The following FLOT2 variants were observed in gnomAD, a reference collection of about 807,000 sequenced individuals.
The protein encoded by FLOT2 is flotillin-2.
In FLOT2, 35 loss-of-function variants were observed where a neutral mutation model predicts 54.9. The observed-to-expected ratio is 0.64, with a 90% CI of 0.49 to 0.84. FLOT2 has a LOEUF of 0.84. Ranked by LOEUF, FLOT2 falls within the 40% of genes least tolerant of loss-of-function variation. The pLI is 0.00. For synonymous variants in FLOT2, 207 were observed against 228.9 expected, an observed-to-expected ratio of 0.90 and a Z score of 0.86; for missense variants, 464 against 572.1, an observed-to-expected ratio of 0.81 and a Z score of 1.93.
In FLOT2 at chr17:28,897,501, C is replaced by G. The variant is rs1370300245; in HGVS notation, c.49+25G>C. Reference sequence around the variant, plus strand: ...CCCACCCCGAGCACCCTCCACAGCTCCCACCTTCCTCGCCGCCCCCTCACC... The same window carrying G: ...CCCACCCCGAGCACCCTCCACAGCTGCCACCTTCCTCGCCGCCCCCTCACC... On this transcript the variant is annotated intron_variant, in intron 1 of 10. Coordinates refer to ENST00000394908, the MANE Select transcript of FLOT2 (RefSeq NM_004475.3). The surrounding 1 kb of genome is among the most constrained non-coding windows in gnomAD (Gnocchi z 4.4). The G allele has an allele frequency of 1.9e-6, 3 of 1,598,252 alleles. No homozygotes were observed. The highest frequency in any genetic ancestry group is 2.6e-6 in the Non-Finnish European group (3 of 1,172,598).
In FLOT2 at chr17:28,883,832, C is replaced by T. The variant is rs1489703815; in HGVS notation, c.222+393G>A. Among the ~76,000 whole-genome samples the T allele has an allele frequency of 1.3e-5, 2 of 152,176 alleles. No homozygotes were observed. The highest frequency in any genetic ancestry group is 2.9e-5 in the Non-Finnish European group (2 of 68,038). On this transcript the variant is annotated intron_variant, in intron 3 of 10. Transcript: ENST00000394908. The surrounding 1 kb of genome is among the most constrained non-coding windows in gnomAD (Gnocchi z 5.0). The stretch of plus-strand genomic sequence containing the variant: ...CCTCCGACTCCCAGAGTCCAGAGCT[C>T]CTCTGCCTCACATGGCCTCTCCCTC...
In FLOT2 at chr17:28,879,775, A is replaced by G. The variant is rs1201835157; in HGVS notation, c.*786T>C. ...CCCAACAGGGCTAGACCCTCATCTCAGAAAACTTAGCAGAGTTGGGACCAA... is the reference window on the plus strand; with the variant it reads ...CCCAACAGGGCTAGACCCTCATCTCGGAAAACTTAGCAGAGTTGGGACCAA... On this transcript the variant is annotated 3_prime_UTR_variant, in exon 11 of 11. Coordinates refer to ENST00000394908, the MANE Select transcript of FLOT2 (RefSeq NM_004475.3). 4.1e-6 allele frequency: 4 copies of G among 985,904 alleles called. No homozygotes were observed. The highest frequency in any genetic ancestry group is 4.8e-6 in the Non-Finnish European group (4 of 830,080). The allele number at this position is 985,904 out of a possible 1,614,324, so 61.1% of individuals were successfully genotyped here. A position where few individuals can be genotyped will look rare whatever the true frequency, so the allele number is the denominator to read the frequency against.
intron 1 of FLOT2, among the ~76,000 whole-genome samples, chr17:28,895,710 C>G (rs1021044486): frequency 1.3e-5 from 2 of 152,104 alleles, no homozygotes; most frequent in South Asian, 4.1e-4. Context: ...TTTTCTCCCC[C>G]CTTATCCCCA....
chr17:28,890,859 CTTCTT>C (rs1567935954), intron 1 of FLOT2, among the ~76,000 whole-genome samples: 43 of 35,750 alleles, frequency 1.2e-3, no homozygotes, highest in Non-Finnish European at 1.9e-3. Context: ...GTTATCATTT[CTTCTT>C]TTTTTTTTTT....
In FLOT2 at chr17:28,886,058, CG is replaced by C. The variant is rs57069941; in HGVS notation, c.132-1744del. 1.9e-3 allele frequency: 895 copies of C among 470,332 alleles called. 9 individuals are homozygous for C. The highest frequency in any genetic ancestry group is 2.5e-3 in the Middle Eastern group (4 of 1,574). 29.1% of individuals were successfully genotyped at this position (470,332 alleles called of 1,614,324 possible). On this transcript the variant is annotated intron_variant, in intron 2 of 10. Transcript: ENST00000394908. ...AGCACCGATGCCTGACGCCTGGGGG[CG>C]GGGGGGGGCATGCTGTCAGTAATCC...
At position 28,883,548 on chromosome 17, in the gene FLOT2, C is replaced by A. The variant is rs544634684; in HGVS notation, c.223-317G>T. Reference sequence around the variant, plus strand: ...ATTCCTCCCTTGCAGGCTTCCTACACGTGGGAGACCCTCAGGCTGAGGGGC... The same window carrying A: ...ATTCCTCCCTTGCAGGCTTCCTACAAGTGGGAGACCCTCAGGCTGAGGGGC... On this transcript the variant is annotated intron_variant, in intron 3 of 10. Transcript: ENST00000394908. The surrounding 1 kb of genome is among the most constrained non-coding windows in gnomAD (Gnocchi z 5.0). 2.6e-5 allele frequency among the ~76,000 whole-genome samples: 4 copies of A among 151,926 alleles called. No homozygotes were observed. Among genetic ancestry groups the A allele is most frequent in the African/African-American group, 9.7e-5 (4 of 41,342 alleles).
At chr17:28,892,726 A>G (rs2039675437) in intron 1 of FLOT2, among the ~76,000 whole-genome samples, 1 of 150,648 alleles carries the variant, frequency 6.6e-6, no homozygotes, top group Non-Finnish European at 1.5e-5. Flanking sequence ...TATCAGCTCA[A>G]TGCAACTTCC....
At position 28,885,825 on chromosome 17, in the gene FLOT2, A is replaced by T. The variant is rs1289770593; in HGVS notation, c.132-1510T>A. The T allele has an allele frequency of 5.7e-6, 8 of 1,399,400 alleles. No homozygotes were observed. In the African/African-American group the frequency reaches 8.6e-5, roughly 15 times the overall value. The allele number at this position is 1,399,400 out of a possible 1,614,324, so 86.7% of individuals were successfully genotyped here. A position where few individuals can be genotyped will look rare whatever the true frequency, so the allele number is the denominator to read the frequency against. On this transcript the variant is annotated intron_variant, in intron 2 of 10. Coordinates refer to ENST00000394908, the MANE Select transcript of FLOT2 (RefSeq NM_004475.3). ...CCGCAGGGCAGGAAGAGAGAAGGTT[A>T]GACACGGAGGAGGAAGCAGGTGGGT...
chr17:28,884,319 C>G lies in FLOT2; in HGVS notation c.132-4G>C. The G allele has an allele frequency of 6.2e-7, 1 of 1,600,582 alleles. No individual in the cohort carries two copies. Among genetic ancestry groups the G allele is most frequent in the East Asian group, 2.2e-5 (1 of 44,692 alleles). On this transcript the variant is annotated splice_polypyrimidine_tract_variant and splice_region_variant and intron_variant, in intron 2 of 10. Coordinates refer to ENST00000394908, the MANE Select transcript of FLOT2 (RefSeq NM_004475.3). The surrounding 1 kb of genome is among the most constrained non-coding windows in gnomAD (Gnocchi z 5.1). Reference sequence around the variant, plus strand: ...CGTCATAATCTCTAGGGAAATCCTGCCAAGAAACGCAAAACAGGGGCATGG... The same window carrying G: ...CGTCATAATCTCTAGGGAAATCCTGGCAAGAAACGCAAAACAGGGGCATGG...
chr17:28,888,960 A>G lies in FLOT2; in HGVS notation c.116T>C (p.Ile39Thr), dbSNP rs1166586881. 1.9e-6 allele frequency: 3 copies of G among 1,614,092 alleles called. No homozygotes were observed. The highest frequency in any genetic ancestry group is 2.5e-6 in the Non-Finnish European group (3 of 1,179,982). Residue 39 changes from isoleucine (I) to threonine (T), a missense_variant, in exon 2 of 11, where the codon ATC becomes ACC. Physicochemically the swap from Ile to Thr is moderately conservative, Grantham distance 89. Transcript: ENST00000394908. ...FGGWAWAWWCISDTQRISLEI... is the reference protein window; with the variant it reads ...FGGWAWAWWCTSDTQRISLEI... ...AGGTGCTTACCTCTGAGTGTCGGAG[A>G]TACACCACCAGGCCCAGGCCCAGCC... is the stretch of plus-strand genomic sequence containing the variant.
rs2039420082 is a variant in FLOT2, at chr17:28,879,993, G to GTC, written c.*566_*567dup. 3 of 988,710 alleles carry GTC rather than the reference G, an allele frequency of 3.0e-6. No individual in the cohort carries two copies. Among genetic ancestry groups the GTC allele is most frequent in the African/African-American group, 1.7e-5 (1 of 57,268 alleles). 61.2% of individuals were successfully genotyped at this position (988,710 alleles called of 1,614,324 possible). A position where few individuals can be genotyped will look rare whatever the true frequency, so the allele number is the denominator to read the frequency against. On this transcript the variant is annotated 3_prime_UTR_variant, in exon 11 of 11. Coordinates refer to ENST00000394908, the MANE Select transcript of FLOT2 (RefSeq NM_004475.3). ...TTGGGTGGATGAGGGGAAGGACAGT[G>GTC]TCTCTGGGCCCTGCAGGTCATGGCT...
In FLOT2 at chr17:28,897,539, C is replaced by A; in HGVS notation, c.36G>T (p.Ala12=). ...GNCHTVGPNE[A]LVVSGGCCGS... ...CCGCCCCCTCACCTGAAACCACCAG[C>A]GCCTCGTTGGGCCCCACCGTGTGGC... The change falls in exon 1 of 11, where the codon GCG becomes GCT. Residue 12 remains alanine, a synonymous_variant. Coordinates refer to ENST00000394908, the MANE Select transcript of FLOT2 (RefSeq NM_004475.3). The surrounding 1 kb of genome is among the most constrained non-coding windows in gnomAD (Gnocchi z 4.4). The A allele has an allele frequency of 6.2e-7, 1 of 1,606,250 alleles. No individual in the cohort carries two copies. The highest frequency in any genetic ancestry group is 8.5e-7 in the Non-Finnish European group (1 of 1,176,706).
intron 8 of FLOT2, 121 bp from the exon 9 acceptor site, chr17:28,881,496 G>T: frequency 9.4e-7 from 1 of 1,064,574 alleles, no homozygotes; most frequent in Non-Finnish European, 1.4e-6. Flanking sequence ...GGAGACATTG[G>T]AACGGAGTGG....
At chr17:28,888,686 C>A (rs565526163) in intron 2 of FLOT2, among the ~76,000 whole-genome samples, 1 of 152,312 alleles carries the variant, frequency 6.6e-6, no homozygotes, top group African/African-American at 2.4e-5. Context: ...AGTAATGCCA[C>A]CTCCAGTGGA....
At chr17:28,889,113 C>A in intron 1 of FLOT2, 87 bp from the exon 2 acceptor site, 1 of 1,080,956 alleles carries the variant, frequency 9.3e-7, no homozygotes, top group South Asian at 1.3e-5. Flanking sequence ...TTGTCCTTTA[C>A]CTGCTCTGAT....
At chr17:28,885,490 G>T in intron 2 of FLOT2, 1 of 679,608 alleles carries the variant, frequency 1.5e-6, no homozygotes. Flanking sequence ...ATGAAGCAAT[G>T]AAGAGGGGAA....
rs2152645742 is a variant in FLOT2 at position 28,880,385 on chromosome 17, A to T, written c.*176T>A. 6.8e-7 allele frequency: 1 copy of T among 1,462,790 alleles called. No homozygotes were observed. The highest frequency in any genetic ancestry group is 9.0e-7 in the Non-Finnish European group (1 of 1,109,196). 90.6% of individuals were successfully genotyped at this position (1,462,790 alleles called of 1,614,324 possible). On this transcript the variant is annotated 3_prime_UTR_variant, in exon 11 of 11. Coordinates refer to ENST00000394908, the MANE Select transcript of FLOT2 (RefSeq NM_004475.3). Reference sequence around the variant, plus strand: ...TGGGGTAAAGGAGAGGAAGAGGAGGAGGTGGACAGACAGGAGAGACAGGAA... The same window carrying T: ...TGGGGTAAAGGAGAGGAAGAGGAGGTGGTGGACAGACAGGAGAGACAGGAA...
At chr17:28,889,131 A>T in intron 1 of FLOT2, 105 bp from the exon 2 acceptor site, 1 of 876,394 alleles carries the variant, frequency 1.1e-6, no homozygotes, top group Non-Finnish European at 1.9e-6. Context: ...GATACTTGAC[A>T]ACGCCTACTG....
chr17:28,888,488 A>G (rs958106163), intron 2 of FLOT2, among the ~76,000 whole-genome samples: 1 of 152,196 alleles, frequency 6.6e-6, no homozygotes, highest in Admixed American at 6.5e-5. Context: ...TCTCTGCCAC[A>G]TAGTCCCTGC....
Sources: allele counts gnomAD v4.1 joint callset (sites outside exome capture counted in the v4.1 genomes callset), GRCh38; gene constraint gnomAD v4.1.1; non-coding constraint Gnocchi (gnomAD v3.1); transcripts MANE v1.5; gene names NCBI Gene and HGNC (gene_info 2026-07-23, HGNC 2026-07-21).